The following BNC2 variants were observed in gnomAD, a reference collection of about 807,000 sequenced individuals.
The protein encoded by BNC2 is zinc finger protein basonuclin-2.
BNC2 carries 20 observed loss-of-function variants against 76.3 expected under a neutral mutation model. The ratio of observed to expected loss-of-function variants is 0.26; its 90% CI spans 0.18 to 0.38. The LOEUF (loss-of-function observed/expected upper bound fraction) is 0.38, where lower values mean the gene tolerates loss of function less well. Ranked by LOEUF, BNC2 falls within the 10% of genes least tolerant of loss-of-function variation. The probability of loss-of-function intolerance (pLI) is 1.00; values close to 1 mark genes in which losing one functional copy is unlikely to be tolerated. For synonymous variants in BNC2, 582 were observed against 514.8 expected, an observed-to-expected ratio of 1.13 and a Z score of -1.77; for missense variants, 1,382 against 1,399.8, an observed-to-expected ratio of 0.99 and a Z score of 0.20.
At chr9:16,695,286 C>A (rs966480576) in intron 3 of BNC2, among the ~76,000 whole-genome samples, 2 of 152,050 alleles carry the variant, frequency 1.3e-5, no homozygotes, top group Non-Finnish European at 2.9e-5. Flanking sequence ...TAAAATAATA[C>A]CATTTTCTTT....
At chr9:16,848,249 C>G (rs751428556) in intron 1 of BNC2, among the ~76,000 whole-genome samples, 1 of 152,200 alleles carries the variant, frequency 6.6e-6, no homozygotes, top group East Asian at 1.9e-4. Flanking sequence ...GACTTCAAGT[C>G]TGACAGCTTC....
intron 5 of BNC2, among the ~76,000 whole-genome samples, chr9:16,548,306 G>A (rs944919665): frequency 1.3e-5 from 2 of 152,056 alleles, no homozygotes; most frequent in African/African-American, 2.4e-5. Context: ...GGGAAAATGG[G>A]GAAAGGACAA....
At position 16,777,873 on chromosome 9, in the gene BNC2, C is replaced by CT. The variant is rs568081622; in HGVS notation, c.4-39389dup. Among the ~76,000 whole-genome samples, 45 of 152,218 alleles carry CT rather than the reference C, an allele frequency of 3.0e-4. No individual in the cohort carries two copies. In the South Asian group the frequency reaches 9.1e-3, roughly 31 times the overall value. Reference sequence around the variant, plus strand: ...TGGTACTCCCATACAATGGAATTCTCTGAGACCGGAAAAAAATTATATACA... The same window carrying CT: ...TGGTACTCCCATACAATGGAATTCTCTTGAGACCGGAAAAAAATTATATACA... On this transcript the variant is annotated intron_variant, in intron 1 of 6. Coordinates refer to ENST00000380672, the MANE Select transcript of BNC2 (RefSeq NM_017637.6).
chr9:16,441,288 A>G (rs1821123783), intron 5 of BNC2, among the ~76,000 whole-genome samples: 1 of 152,192 alleles, frequency 6.6e-6, no homozygotes, highest in Non-Finnish European at 1.5e-5. Flanking sequence ...TGAGCAACAG[A>G]GCAAGACTGT....
chr9:16,791,358 G>A (rs1258623553), intron 1 of BNC2, among the ~76,000 whole-genome samples: 3 of 152,182 alleles, frequency 2.0e-5, no homozygotes, highest in Admixed American at 1.3e-4. Flanking sequence ...ACCGCGCCCG[G>A]CCACAATTAT....
intron 3 of BNC2, among the ~76,000 whole-genome samples, chr9:16,594,128 C>T (rs1477823482): frequency 1.3e-5 from 2 of 152,004 alleles, no homozygotes; most frequent in African/African-American, 4.8e-5. Flanking sequence ...ACTTATAAAC[C>T]TTTAAGCACT....
chr9:16,830,185 T>C (rs942054218), intron 1 of BNC2, among the ~76,000 whole-genome samples: 1 of 152,200 alleles, frequency 6.6e-6, no homozygotes, highest in African/African-American at 2.4e-5. Flanking sequence ...TTTTCCAACA[T>C]GGTATAAACA....
intron 1 of BNC2, among the ~76,000 whole-genome samples, chr9:16,857,581 A>G (rs1226759718): frequency 6.6e-6 from 1 of 152,114 alleles, no homozygotes; most frequent in Non-Finnish European, 1.5e-5. Context: ...TCCTTAAAAT[A>G]CATCATATCA....
rs1172768266 is a variant in BNC2 at position 16,412,750 on chromosome 9, AGAGAGAGAGAGAGAGACT to A, written c.*6221_*6238del. On this transcript the variant is annotated 3_prime_UTR_variant, in exon 7 of 7. Coordinates refer to ENST00000380672, the MANE Select transcript of BNC2 (RefSeq NM_017637.6). ...GAGAGAGAGAGAGAGAGAGAGAGAG[AGAGAGAGAGAGAGAGACT>A]GACTGATTGTGGATGTGTGTGTACA... 7.5e-6 allele frequency: 1 copy of A among 133,822 alleles called. No homozygotes were observed. Among genetic ancestry groups the A allele is most frequent in the African/African-American group, 3.3e-5 (1 of 30,732 alleles). 8.3% of individuals were successfully genotyped at this position (133,822 alleles called of 1,614,324 possible).
Position 16,463,294 on chromosome 9 carries a change from CTTT to C in BNC2, c.670-25773_670-25771del, listed in dbSNP as rs34855187. On this transcript the variant is annotated intron_variant, in intron 5 of 6. Transcript: ENST00000380672. ...ACTGTGAGCATACAAGTATTAAATT[CTTT>C]TTTTTTTTTTTTTTTTTGAGACGGA... 1.4e-3 allele frequency among the ~76,000 whole-genome samples: 143 copies of C among 105,588 alleles called. 5 individuals are homozygous for C. The highest frequency in any genetic ancestry group is 5.6e-3 in the African/African-American group (132 of 23,516). 69.3% of individuals were successfully genotyped at this position (105,588 alleles called of 152,430 possible). A position where few individuals can be genotyped will look rare whatever the true frequency, so the allele number is the denominator to read the frequency against.
At chr9:16,642,561 A>G (rs1821518350) in intron 3 of BNC2, among the ~76,000 whole-genome samples, 4 of 152,178 alleles carry the variant, frequency 2.6e-5, no homozygotes, top group Admixed American at 2.6e-4. Context: ...TTTTTCTTTC[A>G]CTTCTGAGGA....
chr9:16,855,869 A>T (rs1819242695), intron 1 of BNC2, among the ~76,000 whole-genome samples: 1 of 151,896 alleles, frequency 6.6e-6, no homozygotes, highest in African/African-American at 2.4e-5. Flanking sequence ...ATTTTTACCA[A>T]ATCAGTACAC....
At chr9:16,496,084 T>C (rs1327274534) in intron 5 of BNC2, among the ~76,000 whole-genome samples, 1 of 151,970 alleles carries the variant, frequency 6.6e-6, no homozygotes, top group Non-Finnish European at 1.5e-5. Context: ...AATCTTTGTA[T>C]TTTTAGTAGA....
At chr9:16,672,807 C>T (rs1587299898) in intron 3 of BNC2, among the ~76,000 whole-genome samples, 2 of 152,140 alleles carry the variant, frequency 1.3e-5, no homozygotes, top group South Asian at 4.1e-4. Context: ...AGTAAGAGAA[C>T]ACCATGGAGT....
chr9:16,448,194 C>A (rs1045526916), intron 5 of BNC2, among the ~76,000 whole-genome samples: 2 of 152,120 alleles, frequency 1.3e-5, no homozygotes, highest in Admixed American at 1.3e-4. Flanking sequence ...TTCTAGCTTA[C>A]CTCTCCTTGC....
chr9:16,708,633 C>T (rs1823747357), intron 3 of BNC2, among the ~76,000 whole-genome samples: 1 of 151,808 alleles, frequency 6.6e-6, no homozygotes, highest in Non-Finnish European at 1.5e-5. Context: ...AAAAGCAAGC[C>T]ACAGGAAGGG....
At chr9:16,639,766 T>C (rs939431534) in intron 3 of BNC2, among the ~76,000 whole-genome samples, 5 of 152,040 alleles carry the variant, frequency 3.3e-5, no homozygotes, top group African/African-American at 1.2e-4. Context: ...AAAATTTTTT[T>C]TAATACTTAG....
chr9:16,503,697 A>G (rs569466673), intron 5 of BNC2, among the ~76,000 whole-genome samples: 1 of 152,216 alleles, frequency 6.6e-6, no homozygotes, highest in East Asian at 1.9e-4. Flanking sequence ...ACTATCACTG[A>G]TATCCACAGA....
chr9:16,659,405 T>TC (rs1822036413), intron 3 of BNC2, among the ~76,000 whole-genome samples: 1 of 151,902 alleles, frequency 6.6e-6, no homozygotes, highest in African/African-American at 2.4e-5. Flanking sequence ...GTCAGGAGAT[T>TC]GAGACCATCC....
Sources: gnomAD v4.1 joint callset for allele counts (sites outside exome capture counted in the v4.1 genomes callset) on GRCh38, gnomAD v4.1.1 for gene constraint, MANE v1.5 for transcripts, NCBI Gene and HGNC (gene_info 2026-07-23, HGNC 2026-07-21) for gene names.